Variants in FBXW8 observed in about 807,000 individuals in gnomAD.
FBXW8 encodes F-box/WD repeat-containing protein 8.
Under a neutral mutation model 65.3 loss-of-function variants are expected in FBXW8, and 57 were observed. The ratio of observed to expected loss-of-function variants is 0.87; its 90% CI spans 0.71 to 1.09. FBXW8 has a LOEUF of 1.09. Ranked by LOEUF, FBXW8 falls within the 50% of genes least tolerant of loss-of-function variation. The pLI is 0.00. For synonymous variants in FBXW8, 308 were observed against 330.2 expected, an observed-to-expected ratio of 0.93 and a Z score of 0.73; for missense variants, 777 against 814.8, an observed-to-expected ratio of 0.95 and a Z score of 0.57.
At chr12:117,019,104 A>T (rs1954027686) in intron 8 of FBXW8, among the ~76,000 whole-genome samples, 1 of 152,158 alleles carries the variant, frequency 6.6e-6, no homozygotes, top group Non-Finnish European at 1.5e-5. Context: ...TGTAAACGTG[A>T]CAGAGAGAGA....
intron 5 of FBXW8, chr12:116,979,417 G>C (rs1051708907): frequency 5.3e-5 from 8 of 152,296 alleles, no homozygotes; most frequent in Non-Finnish European, 2.9e-5. Flanking sequence ...GGTCTAGGCT[G>C]AGCTCAGAGT....
chr12:116,974,131 G>T (rs1884788247), intron 5 of FBXW8, among the ~76,000 whole-genome samples: 2 of 152,314 alleles, frequency 1.3e-5, no homozygotes, highest in Admixed American at 6.5e-5. Flanking sequence ...GGAGGCCCCA[G>T]TGAGGGCTCA....
At chr12:116,993,906 A>G (rs1953312304) in intron 7 of FBXW8, among the ~76,000 whole-genome samples, 2 of 152,334 alleles carry the variant, frequency 1.3e-5, no homozygotes, top group Non-Finnish European at 2.9e-5. Flanking sequence ...ATTTTTATAT[A>G]TGGTGAGAGA....
chr12:116,963,673 G>T (rs749325133), intron 4 of FBXW8, among the ~76,000 whole-genome samples: 27 of 152,190 alleles, frequency 1.8e-4, no homozygotes, highest in Admixed American at 6.5e-5. Flanking sequence ...TCACTAATGT[G>T]TCACATCATA....
intron 2 of FBXW8, among the ~76,000 whole-genome samples, chr12:116,940,194 G>A (rs757253910): frequency 3.3e-5 from 5 of 152,138 alleles, no homozygotes; most frequent in African/African-American, 4.8e-5. Flanking sequence ...TCAGCCTGGG[G>A]GGTGGGCTCC....
rs191083620 is a variant in FBXW8 at position 117,005,954 on chromosome 12, C to T, written c.1240-4369C>T. ...TCCACTCAGCCCAGCACAGCACCTC[C>T]TAACCTTTGGCTCTCTTTGCCACTG... On this transcript the variant is annotated intron_variant, in intron 7 of 10. Transcript: ENST00000652555. 3.1e-3 allele frequency among the ~76,000 whole-genome samples: 469 copies of T among 152,352 alleles called. 1 individual carries two copies. Among genetic ancestry groups the T allele is most frequent in the African/African-American group, 9.6e-3 (400 of 41,582 alleles).
At chr12:117,018,915 AC>A (rs1325314958) in intron 8 of FBXW8, among the ~76,000 whole-genome samples, 1 of 152,210 alleles carries the variant, frequency 6.6e-6, no homozygotes, top group Non-Finnish European at 1.5e-5. Context: ...TATGGAAATC[AC>A]CATAGCTGAA....
At chr12:116,981,805 G>C (rs1398676659) in intron 5 of FBXW8, among the ~76,000 whole-genome samples, 1 of 151,982 alleles carries the variant, frequency 6.6e-6, no homozygotes. Flanking sequence ...CTAGAGACGG[G>C]GTTTCACTTT....
intron 5 of FBXW8, among the ~76,000 whole-genome samples, chr12:116,981,847 C>G (rs1332396117): frequency 6.6e-6 from 1 of 152,088 alleles, no homozygotes; most frequent in African/African-American, 2.4e-5. Flanking sequence ...CTCCTGACCT[C>G]AAGTGATACG....
intron 8 of FBXW8, among the ~76,000 whole-genome samples, chr12:117,014,063 AAT>A (rs1348421535): frequency 1.3e-5 from 2 of 152,118 alleles, no homozygotes; most frequent in Non-Finnish European, 2.9e-5. Context: ...CAATAATGTA[AAT>A]ATTAAACCTT....
intron 9 of FBXW8, 115 bp from the exon 10 acceptor site, chr12:117,027,279 G>A (rs1179889531): frequency 1.3e-6 from 1 of 777,784 alleles, no homozygotes; most frequent in African/African-American, 1.7e-5. Flanking sequence ...CTGTGAAAGA[G>A]AAGCTTAGCT....
At chr12:117,023,194 G>A (rs1249971323) in intron 8 of FBXW8, among the ~76,000 whole-genome samples, 7 of 152,130 alleles carry the variant, frequency 4.6e-5, no homozygotes, top group Admixed American at 3.3e-4. Context: ...CTAGAGTCAG[G>A]GCACGGGACA....
At chr12:116,913,921 G>A (rs541640995) in intron 1 of FBXW8, among the ~76,000 whole-genome samples, 2 of 152,000 alleles carry the variant, frequency 1.3e-5, no homozygotes, top group Non-Finnish European at 2.9e-5. Flanking sequence ...ACCACATTAG[G>A]TACTACTAGG....
In FBXW8 at chr12:117,028,757, T is replaced by C. The variant is rs79978019; in HGVS notation, c.*585T>C. 2,539 of 153,798 alleles carry C rather than the reference T, an allele frequency of 0.017. 75 individuals are homozygous for C. The highest frequency in any genetic ancestry group is 0.057 in the African/African-American group (2,351 of 41,550). 9.5% of individuals were successfully genotyped at this position (153,798 alleles called of 1,614,324 possible). ...TTTATAATTATATACTTATACAGTT[T>C]AGTCATCAATGACTATTTTGCTTAC... On this transcript the variant is annotated 3_prime_UTR_variant, in exon 11 of 11. Coordinates refer to ENST00000652555, the MANE Select transcript of FBXW8 (RefSeq NM_153348.3). This position sits in a 1 kb window ranked among gnomAD's most constrained non-coding sequence, Gnocchi z 4.1.
chr12:116,954,436 C>G (rs1220190930), intron 4 of FBXW8, among the ~76,000 whole-genome samples: 1 of 152,018 alleles, frequency 6.6e-6, no homozygotes, highest in African/African-American at 2.4e-5. Flanking sequence ...CTATTTATTC[C>G]CCTAATAGTG....
chr12:116,927,996 ACTT>A (rs770992544), intron 1 of FBXW8, 24 bp from the exon 2 acceptor site: 11 of 1,406,770 alleles, frequency 7.8e-6, no homozygotes, highest in Non-Finnish European at 9.9e-6. Context: ...AAAATTATAA[ACTT>A]CTTTCTTTTT....
chr12:116,986,738 C>G (rs921165460), intron 6 of FBXW8: 1 of 152,258 alleles, frequency 6.6e-6, no homozygotes, highest in African/African-American at 2.4e-5. Context: ...AGTGCAAATC[C>G]TGCCTTGGCA....
chr12:117,019,055 T>C (rs1266779161), intron 8 of FBXW8, among the ~76,000 whole-genome samples: 1 of 152,226 alleles, frequency 6.6e-6, no homozygotes, highest in Admixed American at 6.5e-5. Context: ...TTTATACTTT[T>C]TCTCTTCTCT....
At chr12:117,022,366 A>C (rs948021102) in intron 8 of FBXW8, among the ~76,000 whole-genome samples, 23 of 152,172 alleles carry the variant, frequency 1.5e-4, no homozygotes, top group Admixed American at 1.0e-3. Context: ...AAAAAAAAAA[A>C]AAAACAGGCT....
Sources: gnomAD v4.1 joint callset for allele counts (sites outside exome capture counted in the v4.1 genomes callset) on GRCh38, gnomAD v4.1.1 for gene constraint, Gnocchi (gnomAD v3.1) non-coding constraint, MANE v1.5 for transcripts, NCBI Gene and HGNC (gene_info 2026-07-23, HGNC 2026-07-21) for gene names.